VPS13B: variants seen among roughly 807,000 people sequenced by gnomAD.
VPS13B encodes the protein intermembrane lipid transfer protein VPS13B.
A neutral mutation model predicts 426.4 loss-of-function variants in VPS13B; 285 were observed. The ratio of observed to expected loss-of-function variants is 0.67; its 90% CI spans 0.61 to 0.74. The LOEUF (loss-of-function observed/expected upper bound fraction) is 0.74, where lower values mean the gene tolerates loss of function less well. Ranked by LOEUF, VPS13B falls within the 30% of genes least tolerant of loss-of-function variation. The probability of loss-of-function intolerance (pLI) is 0.00; values close to 1 mark genes in which losing one functional copy is unlikely to be tolerated. For synonymous variants in VPS13B, 1,676 were observed against 1,676.4 expected (o/e 1.00, Z 0.01); for missense variants, 4,537 against 4,782.6 (o/e 0.95, Z 1.51).
intron 29 of VPS13B, among the ~76,000 whole-genome samples, chr8:99,511,904 A>G (rs1821810138): frequency 6.6e-6 from 1 of 152,208 alleles, no homozygotes; most frequent in African/African-American, 2.4e-5. Flanking sequence ...TTGGGAAGCC[A>G]AGATAGGAGG....
chr8:99,410,099 C>G (rs1478020007), intron 21 of VPS13B, among the ~76,000 whole-genome samples: 1 of 151,896 alleles, frequency 6.6e-6, no homozygotes, highest in Non-Finnish European at 1.5e-5. Flanking sequence ...ATCTCTGTAA[C>G]CAAAAACCAA....
intron 30 of VPS13B, among the ~76,000 whole-genome samples, chr8:99,535,239 A>G (rs927615133): frequency 2.0e-5 from 3 of 152,204 alleles, no homozygotes; most frequent in Non-Finnish European, 4.4e-5. Flanking sequence ...TTTTTACATG[A>G]AAGCAAGTAA....
chr8:99,428,873 A>C (rs1163614755), intron 21 of VPS13B, among the ~76,000 whole-genome samples: 1 of 152,180 alleles, frequency 6.6e-6, no homozygotes, highest in Non-Finnish European at 1.5e-5. Context: ...AAGACTTGGA[A>C]CCAACCCAAA....
chr8:99,607,351 T>C (rs1329376305), intron 33 of VPS13B, among the ~76,000 whole-genome samples: 1 of 152,238 alleles, frequency 6.6e-6, no homozygotes, highest in Non-Finnish European at 1.5e-5. Context: ...GTTTATCTTA[T>C]GCATCTAAGA....
chr8:99,828,394 G>GCTTTTTT lies in VPS13B; in HGVS notation c.9331-3975_9331-3974insCTTTTTT, dbSNP rs1563495224. ...ATCAGAGACTAGGATTACAACCACCGTTTTTTTTTTTTTTTTTTTTTTTTT... is the reference window on the plus strand; with the variant it reads ...ATCAGAGACTAGGATTACAACCACCGCTTTTTTTTTTTTTTTTTTTTTTTTTTTTTTT... On this transcript the variant is annotated intron_variant, in intron 51 of 61. Coordinates refer to ENST00000357162, the MANE Select transcript of VPS13B (RefSeq NM_152564.5). Among the ~76,000 whole-genome samples, 11 of 17,446 alleles carry GCTTTTTT rather than the reference G, an allele frequency of 6.3e-4. 4 individuals are homozygous for GCTTTTTT. The highest frequency in any genetic ancestry group is 1.9e-3 in the East Asian group (1 of 532). 11.4% of individuals were successfully genotyped at this position (17,446 alleles called of 152,430 possible).
intron 33 of VPS13B, among the ~76,000 whole-genome samples, chr8:99,641,269 T>A (rs1829345543): frequency 6.6e-6 from 1 of 152,232 alleles, no homozygotes. Flanking sequence ...TGAAATGGCA[T>A]GCATTTATTT....
chr8:99,413,989 T>C (rs767280224), intron 21 of VPS13B, among the ~76,000 whole-genome samples: 15 of 152,118 alleles, frequency 9.9e-5, no homozygotes, highest in Non-Finnish European at 1.6e-4. Flanking sequence ...CCTTGTTAAT[T>C]TTCTGTCTCA....
At chr8:99,163,156 C>T (rs976674388) in intron 15 of VPS13B, among the ~76,000 whole-genome samples, 1 of 152,094 alleles carries the variant, frequency 6.6e-6, no homozygotes, top group East Asian at 1.9e-4. Flanking sequence ...ATTTACAATC[C>T]CTGAGCTAGA....
chr8:99,859,244 CA>C (rs1283110730), intron 56 of VPS13B, 59 bp from the exon 57 acceptor site: 4 of 1,605,942 alleles, frequency 2.5e-6, no homozygotes, highest in African/African-American at 1.3e-5. Flanking sequence ...CACTTTTTCA[CA>C]AATGTTGAAA....
intron 54 of VPS13B, among the ~76,000 whole-genome samples, chr8:99,847,380 T>C (rs1816037953): frequency 6.6e-6 from 1 of 152,156 alleles, no homozygotes; most frequent in African/African-American, 2.4e-5. Context: ...TTAAAATTGT[T>C]TTAGAATGTA....
At chr8:99,668,222 G>T (rs773656628) in intron 35 of VPS13B, among the ~76,000 whole-genome samples, 1 of 151,982 alleles carries the variant, frequency 6.6e-6, no homozygotes, top group African/African-American at 2.4e-5. Flanking sequence ...CAGGCATGGT[G>T]ATATGTGCCT....
intron 3 of VPS13B, among the ~76,000 whole-genome samples, chr8:99,045,695 C>T (rs548595179): frequency 6.6e-6 from 1 of 152,092 alleles, no homozygotes; most frequent in Non-Finnish European, 1.5e-5. Context: ...GATTTAAGTC[C>T]TTGATCCATC....
intron 40 of VPS13B, among the ~76,000 whole-genome samples, chr8:99,771,013 T>C (rs1811460892): frequency 6.6e-6 from 1 of 152,354 alleles, no homozygotes; most frequent in African/African-American, 2.4e-5. Context: ...ATCAGGTGTC[T>C]TCTGATGGAT....
intron 34 of VPS13B, among the ~76,000 whole-genome samples, chr8:99,646,711 G>T (rs2133939270): frequency 6.6e-6 from 1 of 152,274 alleles, no homozygotes; most frequent in Middle Eastern, 3.4e-3. Flanking sequence ...TATAGGGGCA[G>T]ATTCCTCATG....
chr8:99,214,166 T>C (rs1350589385), intron 17 of VPS13B, among the ~76,000 whole-genome samples: 2 of 152,224 alleles, frequency 1.3e-5, no homozygotes, highest in Non-Finnish European at 2.9e-5. Flanking sequence ...GCAAATAATC[T>C]GGCTCACTCT....
intron 33 of VPS13B, among the ~76,000 whole-genome samples, chr8:99,601,434 A>G (rs1174707395): frequency 6.6e-6 from 1 of 152,150 alleles, no homozygotes; most frequent in Non-Finnish European, 1.5e-5. Flanking sequence ...AGTCTTTGCT[A>G]TTGTGAATAG....
At chr8:99,082,026 G>A (rs1216349888) in intron 3 of VPS13B, among the ~76,000 whole-genome samples, 1 of 152,122 alleles carries the variant, frequency 6.6e-6, no homozygotes, top group African/African-American at 2.4e-5. Flanking sequence ...AGATCCCTGA[G>A]GAATCGCCAC....
At chr8:99,022,975 ATC>A (rs1587925419) in intron 2 of VPS13B, among the ~76,000 whole-genome samples, 1 of 145,824 alleles carries the variant, frequency 6.9e-6, no homozygotes. Flanking sequence ...TTGATTTGAG[ATC>A]TCTCTCTTTT....
intron 33 of VPS13B, among the ~76,000 whole-genome samples, chr8:99,579,187 A>G (rs1460822093): frequency 6.6e-6 from 1 of 152,204 alleles, no homozygotes; most frequent in Non-Finnish European, 1.5e-5. Flanking sequence ...GGTGGGACAT[A>G]TCTGTAAAAC....
Sources: gnomAD v4.1 joint callset for allele counts (sites outside exome capture counted in the v4.1 genomes callset) on GRCh38, gnomAD v4.1.1 for gene constraint, MANE v1.5 for transcripts, NCBI Gene and HGNC (gene_info 2026-07-23, HGNC 2026-07-21) for gene names.